The following SAMD4B variants were observed in gnomAD, a reference collection of about 807,000 sequenced individuals.
The protein encoded by SAMD4B is sterile alpha motif domain containing 4B.
A neutral mutation model predicts 74.5 loss-of-function variants in SAMD4B; 5 were observed. The observed-to-expected ratio is 0.07, with a 90% CI of 0.04 to 0.14. SAMD4B has a LOEUF of 0.14. Ranked by LOEUF, SAMD4B falls within the 10% of genes least tolerant of loss-of-function variation. SAMD4B has a pLI of 1.00. For missense variants in SAMD4B, 608 were observed against 921.8 expected, an observed-to-expected ratio of 0.66 and a Z score of 4.41; for synonymous variants, 373 against 374.9, an observed-to-expected ratio of 1.00 and a Z score of 0.06.
chr19:39,365,200 C>T lies in SAMD4B; in HGVS notation c.197-4455C>T, dbSNP rs553126633. Among the ~76,000 whole-genome samples, 208 of 144,332 alleles carry T rather than the reference C, an allele frequency of 1.4e-3. 2 individuals carry two copies. Among genetic ancestry groups the T allele is most frequent in the African/African-American group, 5.0e-3 (190 of 38,100 alleles). The allele number at this position is 144,332 out of a possible 152,430, so 94.7% of individuals were successfully genotyped here. ...GGCAGAGCTTGCAGTGAGCCGAGAT[C>T]GTGCCACCGCACTCCAGCCTGGGTG... is the stretch of plus-strand genomic sequence containing the variant. On this transcript the variant is annotated intron_variant, in intron 3 of 13. Transcript: ENST00000610417.
downstream of SAMD4B, chr19:39,389,258 C>G (rs529449562): frequency 6.2e-7 from 1 of 1,609,978 alleles, no homozygotes; most frequent in South Asian, 1.1e-5. The surrounding 1 kb of genome is among the most constrained non-coding windows in gnomAD (Gnocchi z 5.3). Flanking sequence ...CTCCACCTTC[C>G]CTCTCTTCCT....
intron 1 of SAMD4B, among the ~76,000 whole-genome samples, chr19:39,346,660 G>A (rs2075722768): frequency 6.6e-6 from 1 of 152,194 alleles, no homozygotes; most frequent in African/African-American, 2.4e-5. Flanking sequence ...TAGAGGGTCT[G>A]TGGGCACTGT....
At chr19:39,374,312 G>A (rs1036410299) in intron 4 of SAMD4B, among the ~76,000 whole-genome samples, 1 of 152,088 alleles carries the variant, frequency 6.6e-6, no homozygotes, top group African/African-American at 2.4e-5. Context: ...GACTTGGGAT[G>A]GACAGAGGGT....
At chr19:39,367,680 T>C (rs887782290) in intron 3 of SAMD4B, among the ~76,000 whole-genome samples, 1 of 151,488 alleles carries the variant, frequency 6.6e-6, no homozygotes, top group Non-Finnish European at 1.5e-5. Flanking sequence ...GGTTAATTTT[T>C]GTATTTTTAG....
In SAMD4B at chr19:39,378,892, A is replaced by G. The variant is rs1354111486; in HGVS notation, c.1530+303A>G. On this transcript the variant is annotated intron_variant, in intron 9 of 13. Coordinates refer to ENST00000610417, the MANE Select transcript of SAMD4B (RefSeq NM_001384574.2). The surrounding 1 kb of genome is among the most constrained non-coding windows in gnomAD (Gnocchi z 4.4). The stretch of plus-strand genomic sequence containing the variant: ...GCACTCCAGCCTGGACGACAGAGTG[A>G]GGGAAAGCCTGCCCCATCTTTCTCA... Among the ~76,000 whole-genome samples, 1 of 152,212 alleles carries G rather than the reference A, an allele frequency of 6.6e-6. No homozygotes were observed. The highest frequency in any genetic ancestry group is 1.5e-5 in the Non-Finnish European group (1 of 68,036).
In SAMD4B at chr19:39,378,315, G is replaced by A. The variant is rs369830033; in HGVS notation, c.1445-189G>A. Among the ~76,000 whole-genome samples the A allele has an allele frequency of 1.3e-5, 2 of 152,170 alleles. No individual in the cohort carries two copies. The highest frequency in any genetic ancestry group is 1.9e-4 in the East Asian group (1 of 5,198). On this transcript the variant is annotated intron_variant, in intron 8 of 13. Coordinates refer to ENST00000610417, the MANE Select transcript of SAMD4B (RefSeq NM_001384574.2). The surrounding 1 kb of genome is among the most constrained non-coding windows in gnomAD (Gnocchi z 4.4). ...TTCTAAGGCTAAAAATGTGTGTAGTGACAAGATTGTGTCAGGCACTATGTT... is the reference window on the plus strand; with the variant it reads ...TTCTAAGGCTAAAAATGTGTGTAGTAACAAGATTGTGTCAGGCACTATGTT...
chr19:39,370,169 A>G, intron 4 of SAMD4B, 44 bp downstream of exon 4: 1 of 1,523,772 alleles, frequency 6.6e-7, no homozygotes, highest in Non-Finnish European at 8.9e-7. Flanking sequence ...TACTTGAAAA[A>G]GGTTGGACTA....
At chr19:39,352,816 A>C (rs2076127538) in intron 1 of SAMD4B, among the ~76,000 whole-genome samples, 1 of 152,158 alleles carries the variant, frequency 6.6e-6, no homozygotes, top group South Asian at 2.1e-4. Flanking sequence ...AAAAGAATTT[A>C]TGGGAAAGAG....
intron 4 of SAMD4B, among the ~76,000 whole-genome samples, chr19:39,374,263 CA>C (rs991986131): frequency 1.3e-4 from 19 of 145,466 alleles, no homozygotes; most frequent in African/African-American, 1.0e-4. Flanking sequence ...AACTCCATCT[CA>C]AAAAAAAAAA....
chr19:39,379,418 TCTTTTGCTTC>T (rs2077815537), intron 9 of SAMD4B, among the ~76,000 whole-genome samples: 1 of 152,218 alleles, frequency 6.6e-6, no homozygotes, highest in Non-Finnish European at 1.5e-5. Context: ...TATTTAAGTT[TCTTTTGCTTC>T]CTGTTCTTCT....
chr19:39,347,911 G>A (rs1018863228), intron 1 of SAMD4B, among the ~76,000 whole-genome samples: 1 of 152,158 alleles, frequency 6.6e-6, no homozygotes, highest in African/African-American at 2.4e-5. Context: ...GAAATTCATG[G>A]AATTTATATT....
Position 39,383,663 on chromosome 19 carries a change from T to C in SAMD4B, c.*136T>C, listed in dbSNP as rs1555725853. 1 of 1,580,174 alleles carries C rather than the reference T, an allele frequency of 6.3e-7. No homozygotes were observed. Among genetic ancestry groups the C allele is most frequent in the South Asian group, 1.1e-5 (1 of 88,812 alleles). On this transcript the variant is annotated 3_prime_UTR_variant, in exon 14 of 14. Transcript: ENST00000610417. This position sits in a 1 kb window ranked among gnomAD's most constrained non-coding sequence, Gnocchi z 4.1. ...CTAATATTTTTCTACTCTCTTACCC[T>C]CTTAACTTTTGTTTAACATTGGCAC...
intron 11 of SAMD4B, 23 bp downstream of exon 11, chr19:39,380,808 C>T: frequency 1.3e-6 from 2 of 1,516,374 alleles, no homozygotes; most frequent in Non-Finnish European, 1.8e-6. Context: ...GAAGCAGGGG[C>T]CTGGCCTCCT....
chr19:39,349,091 G>A lies in SAMD4B; in HGVS notation c.-266-4915G>A, dbSNP rs1024715036. On this transcript the variant is annotated intron_variant, in intron 1 of 13. Coordinates refer to ENST00000610417, the MANE Select transcript of SAMD4B (RefSeq NM_001384574.2). ...AGTGGCAGGCTTATATTTCCAACCC[G>A]GCAGTCTGGTTCTAGAGCCACTTAG... 7.9e-5 allele frequency among the ~76,000 whole-genome samples: 12 copies of A among 152,264 alleles called. No homozygotes were observed. The East Asian group carries it at 2.1e-3, about 27-fold the overall frequency.
chr19:39,353,338 A>C (rs62119687), intron 1 of SAMD4B, among the ~76,000 whole-genome samples: 1,831 of 152,308 alleles, frequency 0.012, 11 homozygotes, highest in Non-Finnish European at 0.019. Context: ...ACTTGCAACT[A>C]GTGAAGTAGT....
intron 1 of SAMD4B, among the ~76,000 whole-genome samples, chr19:39,348,815 A>G (rs1239219675): frequency 6.6e-6 from 1 of 152,160 alleles, no homozygotes; most frequent in African/African-American, 2.4e-5. Context: ...TGGTGGTGGT[A>G]GTGAAGATGT....
downstream of SAMD4B, chr19:39,387,336 T>C (rs2078275580): frequency 9.0e-6 from 2 of 221,310 alleles, no homozygotes; most frequent in Admixed American, 8.8e-5. Context: ...CAGTCCATTG[T>C]TGACTGAAAC....
intron 1 of SAMD4B, among the ~76,000 whole-genome samples, chr19:39,349,369 G>T (rs2075888668): frequency 6.6e-6 from 1 of 152,122 alleles, no homozygotes. Context: ...AGACATTTAG[G>T]AGTGGGAGGA....
Position 39,375,833 on chromosome 19 carries a change from CAGA to C in SAMD4B, c.852_854del (p.Glu286del). 1 of 1,613,256 alleles carries C rather than the reference CAGA, an allele frequency of 6.2e-7. No homozygotes were observed. The highest frequency in any genetic ancestry group is 8.5e-7 in the Non-Finnish European group (1 of 1,180,012). On this transcript the variant is annotated inframe_deletion, in exon 5 of 14. Transcript: ENST00000610417. This position sits in a 1 kb window ranked among gnomAD's most constrained non-coding sequence, Gnocchi z 4.1. ...GTGGCCTCCTCTGGCAGTGAGCAGA[CAGA>C]GGAGCAGGGCTCCAGCCGGAACACC...
Sources: gnomAD v4.1 joint callset for allele counts (sites outside exome capture counted in the v4.1 genomes callset) on GRCh38, gnomAD v4.1.1 for gene constraint, Gnocchi (gnomAD v3.1) non-coding constraint, MANE v1.5 for transcripts, NCBI Gene and HGNC (gene_info 2026-07-23, HGNC 2026-07-21) for gene names.